MSRA: variants seen among roughly 807,000 people sequenced by gnomAD.
MSRA encodes the protein methionine sulfoxide reductase A.
Under a neutral mutation model 31.3 loss-of-function variants are expected in MSRA, and 54 were observed. The observed-to-expected ratio is 1.73, with a 90% CI of 1.39 to 2.17. The LOEUF (loss-of-function observed/expected upper bound fraction) is 2.17, where lower values mean the gene tolerates loss of function less well. Ranked by LOEUF, MSRA falls within the 30% of genes most tolerant of loss-of-function variation. The pLI, the probability that MSRA is intolerant of heterozygous loss-of-function variation, is 0.00. For synonymous variants in MSRA, 169 were observed against 116.5 expected (o/e 1.45, Z -2.90); for missense variants, 507 against 300.9 (o/e 1.69, Z -5.07).
At position 10,301,606 on chromosome 8, in the gene MSRA, A is replaced by C. The variant is rs1800851464; in HGVS notation, c.404A>C (p.Lys135Thr). The stretch of plus-strand genomic sequence containing the variant: ...CACATGAGTTTTGAGGAACTGCTCA[A>C]GGTCTTCTGGGAGAATCACGACCCG... ...PEHMSFEELLKVFWENHDPTQ... is the reference protein window; with the variant it reads ...PEHMSFEELLTVFWENHDPTQ... Residue 135 changes from lysine (K) to threonine (T), a missense_variant, in exon 4 of 6, where the codon AAG becomes ACG. Physicochemically the swap from Lys to Thr is moderately conservative, Grantham distance 78 (BLOSUM62 -1). Coordinates refer to ENST00000317173, the MANE Select transcript of MSRA (RefSeq NM_012331.5). The C allele has an allele frequency of 1.2e-6, 2 of 1,614,128 alleles. No homozygotes were observed. The highest frequency in any genetic ancestry group is 3.3e-5 in the Admixed American group (2 of 60,016).
chr8:10,149,335 C>T lies in MSRA; in HGVS notation c.143-58498C>T, dbSNP rs1485020504. On this transcript the variant is annotated intron_variant, in intron 1 of 5. Transcript: ENST00000317173. ...ATGGGGTTTCACTGTGTTGACCAGGCTGGTCTCAAACTCCGCGACCTCAGG... is the reference window on the plus strand; with the variant it reads ...ATGGGGTTTCACTGTGTTGACCAGGTTGGTCTCAAACTCCGCGACCTCAGG... Among the ~76,000 whole-genome samples the T allele has an allele frequency of 2.6e-5, 4 of 152,114 alleles. No individual in the cohort carries two copies. The East Asian group carries it at 5.8e-4, about 22-fold the overall frequency.
chr8:10,207,689 A>T, intron 1 of MSRA, 144 bp from the exon 2 acceptor site: 1 of 647,038 alleles, frequency 1.5e-6, no homozygotes, highest in East Asian at 2.9e-5. Flanking sequence ...GAAAAACAAA[A>T]TAATTGAAGC....
At chr8:10,263,916 T>C (rs1006989645) in intron 3 of MSRA, among the ~76,000 whole-genome samples, 1 of 152,238 alleles carries the variant, frequency 6.6e-6, no homozygotes, top group African/African-American at 2.4e-5. Flanking sequence ...AGCTTTGTTA[T>C]TTGCTTTTTC....
At chr8:10,107,426 G>A (rs746116214) in intron 1 of MSRA, among the ~76,000 whole-genome samples, 1 of 152,026 alleles carries the variant, frequency 6.6e-6, no homozygotes. Context: ...TCTCTGGGCA[G>A]CAGTCCTTGT....
chr8:10,381,842 G>C (rs1231348065), intron 5 of MSRA, among the ~76,000 whole-genome samples: 1 of 152,172 alleles, frequency 6.6e-6, no homozygotes, highest in Non-Finnish European at 1.5e-5. Context: ...GCCATCTTTA[G>C]GGACTGGAAA....
intron 5 of MSRA, among the ~76,000 whole-genome samples, chr8:10,371,656 C>T (rs541182598): frequency 3.0e-4 from 46 of 152,234 alleles, no homozygotes; most frequent in African/African-American, 1.1e-3. Context: ...CTCCACCTAC[C>T]GCCTGTTAGC....
chr8:10,347,446 C>G (rs1803851739), intron 5 of MSRA, among the ~76,000 whole-genome samples: 1 of 152,206 alleles, frequency 6.6e-6, no homozygotes, highest in African/African-American at 2.4e-5. Context: ...TCCCACCATG[C>G]TCACAAACAC....
intron 5 of MSRA, chr8:10,337,648 G>C: frequency 1.4e-6 from 1 of 689,932 alleles, no homozygotes; most frequent in Non-Finnish European, 2.6e-6. Context: ...CATTTTCCTT[G>C]ATAGTGTCAT....
At chr8:10,218,299 C>G (rs983690803) in intron 2 of MSRA, among the ~76,000 whole-genome samples, 2 of 152,008 alleles carry the variant, frequency 1.3e-5, no homozygotes, top group Non-Finnish European at 2.9e-5. Flanking sequence ...GCGTGCACCA[C>G]CACACCTAGC....
In MSRA at chr8:10,100,145, C is replaced by T. The variant is rs150249490; in HGVS notation, c.142+45487C>T. Among the ~76,000 whole-genome samples the T allele has an allele frequency of 5.8e-3, 877 of 152,178 alleles. 3 individuals carry two copies. The highest frequency in any genetic ancestry group is 9.8e-3 in the Non-Finnish European group (664 of 68,006). On this transcript the variant is annotated intron_variant, in intron 1 of 5. Coordinates refer to ENST00000317173, the MANE Select transcript of MSRA (RefSeq NM_012331.5). ...TGGGTTAGACTGCAATATCAGCAAC[C>T]GCAGGCGTTGAGAGGGCATAAGGTG...
chr8:10,324,155 A>G (rs1178380411), intron 5 of MSRA, among the ~76,000 whole-genome samples: 2 of 152,224 alleles, frequency 1.3e-5, no homozygotes, highest in East Asian at 1.9e-4. Flanking sequence ...CTCTGGCCAC[A>G]TGTGGCTGTT....
chr8:10,405,195 C>T (rs866976677), intron 5 of MSRA, among the ~76,000 whole-genome samples: 1 of 152,202 alleles, frequency 6.6e-6, no homozygotes, highest in African/African-American at 2.4e-5. Context: ...TGAGCCCAGC[C>T]TCCCTCTGGG....
intron 4 of MSRA, among the ~76,000 whole-genome samples, chr8:10,305,818 C>G (rs1801107823): frequency 6.6e-6 from 1 of 152,138 alleles, no homozygotes; most frequent in Non-Finnish European, 1.5e-5. Context: ...ATTCCACAGC[C>G]ACTAGACAGT....
At chr8:10,254,104 G>A (rs540114437) in intron 3 of MSRA, among the ~76,000 whole-genome samples, 1 of 152,016 alleles carries the variant, frequency 6.6e-6, no homozygotes, top group African/African-American at 2.4e-5. Flanking sequence ...GAGAAGCTTT[G>A]CTTAATAAAT....
chr8:10,304,427 A>G (rs1416833242), intron 4 of MSRA, among the ~76,000 whole-genome samples: 1 of 152,272 alleles, frequency 6.6e-6, no homozygotes, highest in Non-Finnish European at 1.5e-5. Context: ...TAAAACAAGT[A>G]TGTGTTAGCA....
intron 1 of MSRA, among the ~76,000 whole-genome samples, chr8:10,120,678 T>TC (rs1585193834): frequency 6.6e-6 from 1 of 152,188 alleles, no homozygotes; most frequent in Admixed American, 6.5e-5. Flanking sequence ...GGGGAGATGA[T>TC]CATGTAAACA....
rs377314708 is a variant in MSRA, at chr8:10,245,170, T to C, written c.278T>C (p.Val93Ala). Reference sequence around the variant, plus strand: ...TTGAAAGGAGTGTATTCAACTCAAGTTGGTTTTGCAGGAGGCTATACTTCA... The same window carrying C: ...TTGAAAGGAGTGTATTCAACTCAAGCTGGTTTTGCAGGAGGCTATACTTCA... ...WVLKGVYSTQ[V>A]GFAGGYTSNP... The change falls in exon 3 of 6, where the codon GTT becomes GCT. Residue 93 changes from valine (V) to alanine (A), a missense_variant. Physicochemically the swap from Val to Ala is moderately conservative, Grantham distance 64. Coordinates refer to ENST00000317173, the MANE Select transcript of MSRA (RefSeq NM_012331.5). 4 of 1,613,724 alleles carry C rather than the reference T, an allele frequency of 2.5e-6. No homozygotes were observed. The highest frequency in any genetic ancestry group is 2.2e-5 in the East Asian group (1 of 44,850).
intron 5 of MSRA, among the ~76,000 whole-genome samples, chr8:10,339,527 CTTTCT>C (rs1803274853): frequency 2.3e-5 from 2 of 87,472 alleles, no homozygotes; most frequent in African/African-American, 9.3e-5. Flanking sequence ...GGTTTTCTTT[CTTTCT>C]TTTTTTTTTT....
chr8:10,400,329 G>A (rs930200935), intron 5 of MSRA, among the ~76,000 whole-genome samples: 2 of 151,324 alleles, frequency 1.3e-5, no homozygotes, highest in Non-Finnish European at 2.9e-5. Flanking sequence ...AGAAGGTCAG[G>A]AGGACTCCAT....
Sources: allele counts gnomAD v4.1 joint callset (sites outside exome capture counted in the v4.1 genomes callset), GRCh38; gene constraint gnomAD v4.1.1; transcripts MANE v1.5; gene names NCBI Gene and HGNC (gene_info 2026-07-23, HGNC 2026-07-21).